Variants in DLX4 observed in about 807,000 individuals in gnomAD.
DLX4 encodes the protein distal-less homeobox 4.
In DLX4, 13 loss-of-function variants were observed where a neutral mutation model predicts 17.1. The ratio of observed to expected loss-of-function variants is 0.76; its 90% CI spans 0.49 to 1.21. DLX4 has a LOEUF of 1.21. Among genes scored for constraint, DLX4 ranks in the 50% most tolerant of loss-of-function variants. The pLI is 0.00. For synonymous variants in DLX4, 129 were observed against 140.3 expected, an observed-to-expected ratio of 0.92 and a Z score of 0.57; for missense variants, 297 against 301.4, an observed-to-expected ratio of 0.99 and a Z score of 0.11.
Position 49,969,536 on chromosome 17 carries a change from C to G in DLX4, c.68C>G (p.Pro23Arg), listed in dbSNP as rs1220519806. 2.5e-6 allele frequency: 4 copies of G among 1,613,218 alleles called. No individual in the cohort carries two copies. The highest frequency in any genetic ancestry group is 3.4e-6 in the Non-Finnish European group (4 of 1,179,982). The change falls in exon 1 of 3, where the codon CCT (proline) becomes CGT (arginine). Residue 23 changes from proline (P) to arginine (R), a missense_variant. Pro to Arg is a moderately radical substitution (Grantham distance 103). Transcript: ENST00000240306. ...ASKAVFPDLA[P>R]VPSVAAAYPL... ...AAAGCTGTCTTCCCAGACCTCGCCC[C>G]TGTCCCGTCGGTAGCGGCTGCCTAC...
chr17:49,973,399 T>TG (rs1905596918), intron 2 of DLX4, 130 bp downstream of exon 2: 9 of 1,355,524 alleles, frequency 6.6e-6, no homozygotes, highest in Non-Finnish European at 9.0e-6. Context: ...CCAGGGAATG[T>TG]TCATAGCTGG....
In DLX4 at chr17:49,974,132, C is replaced by G; in HGVS notation, c.*189C>G. ...CTAACCCTAACAGCTAAATCAAGGACCTCAGCCTTATATAATCATTGTCCC... is the reference window on the plus strand; with the variant it reads ...CTAACCCTAACAGCTAAATCAAGGAGCTCAGCCTTATATAATCATTGTCCC... On this transcript the variant is annotated 3_prime_UTR_variant, in exon 3 of 3. Coordinates refer to ENST00000240306, the MANE Select transcript of DLX4 (RefSeq NM_138281.3). The G allele has an allele frequency of 1.6e-6, 1 of 637,232 alleles. No homozygotes were observed. The highest frequency in any genetic ancestry group is 2.4e-6 in the Non-Finnish European group (1 of 415,394). The allele number at this position is 637,232 out of a possible 1,614,324, so 39.5% of individuals were successfully genotyped here.
At chr17:49,973,510 A>G (rs1317486070) in intron 2 of DLX4, 191 bp from the exon 3 acceptor site, 39 of 959,256 alleles carry the variant, frequency 4.1e-5, no homozygotes, top group Non-Finnish European at 5.6e-5. Context: ...ACAGGGAGAC[A>G]TGGATACTAG....
intron 2 of DLX4, 56 bp from the exon 3 acceptor site, chr17:49,973,645 C>G: frequency 6.7e-7 from 1 of 1,494,416 alleles, no homozygotes; most frequent in Non-Finnish European, 8.9e-7. Context: ...TTCCTCGAAA[C>G]TTTTCACACA....
In DLX4 at chr17:49,972,713, C is replaced by T. The variant is rs1905551497; in HGVS notation, c.284-360C>T. On this transcript the variant is annotated intron_variant, in intron 1 of 2. Coordinates refer to ENST00000240306, the MANE Select transcript of DLX4 (RefSeq NM_138281.3). The surrounding 1 kb of genome is among the most constrained non-coding windows in gnomAD (Gnocchi z 5.4). ...TCAGCCCTGGACCTAGCCTTTCTGCCCCGCCCTACCCCAAGCTGGCGCCAC... is the reference window on the plus strand; with the variant it reads ...TCAGCCCTGGACCTAGCCTTTCTGCTCCGCCCTACCCCAAGCTGGCGCCAC... 1 of 1,354,484 alleles carries T rather than the reference C, an allele frequency of 7.4e-7. No homozygotes were observed. Among genetic ancestry groups the T allele is most frequent in the Non-Finnish European group, 9.5e-7 (1 of 1,057,638 alleles). 83.9% of individuals were successfully genotyped at this position (1,354,484 alleles called of 1,614,324 possible).
In DLX4 at chr17:49,969,598, A is replaced by G. The variant is rs775701444; in HGVS notation, c.130A>G (p.Asn44Asp). 5 of 1,612,806 alleles carry G rather than the reference A, an allele frequency of 3.1e-6. No homozygotes were observed. Among genetic ancestry groups the G allele is most frequent in the Non-Finnish European group, 4.2e-6 (5 of 1,179,824 alleles). ...GLSPTTAASPNLSYSRPYGHL... is the reference protein window; with the variant it reads ...GLSPTTAASPDLSYSRPYGHL... Reference sequence around the variant, plus strand: ...GTCCCCTACAACCGCAGCCTCCCCCAATTTGTCCTACTCCAGGCCGTATGG... The same window carrying G: ...GTCCCCTACAACCGCAGCCTCCCCCGATTTGTCCTACTCCAGGCCGTATGG... Residue 44 changes from asparagine (N) to aspartate (D), a missense_variant, in exon 1 of 3, where the codon AAT (asparagine) becomes GAT (aspartate). By Grantham distance (23) the Asn-to-Asp change is conservative. Transcript: ENST00000240306.
At chr17:49,970,145 C>A (rs1395155877) in intron 1 of DLX4, among the ~76,000 whole-genome samples, 1 of 152,146 alleles carries the variant, frequency 6.6e-6, no homozygotes, top group Non-Finnish European at 1.5e-5. Flanking sequence ...CCTTCCTGCC[C>A]CATTGTCGCC....
chr17:49,973,149 G>A lies in DLX4; in HGVS notation c.360G>A (p.Pro120=). 1.2e-6 allele frequency: 2 copies of A among 1,614,174 alleles called. No individual in the cohort carries two copies. The highest frequency in any genetic ancestry group is 1.7e-6 in the Non-Finnish European group (2 of 1,180,030). The part of the protein sequence containing the change: ...PQAPAKKLRK[P]RTIYSSLQLQ... ...CCCCCGCCAAAAAGCTCCGCAAGCCGAGGACCATCTACTCCAGCCTGCAGC... is the reference window on the plus strand; with the variant it reads ...CCCCCGCCAAAAAGCTCCGCAAGCCAAGGACCATCTACTCCAGCCTGCAGC... The change falls in exon 2 of 3, where the codon CCG becomes CCA. Residue 120 remains proline, a synonymous_variant. Transcript: ENST00000240306.
intron 1 of DLX4, among the ~76,000 whole-genome samples, chr17:49,971,326 G>C (rs555481022): frequency 6.6e-6 from 1 of 152,162 alleles, no homozygotes; most frequent in Non-Finnish European, 1.5e-5. Flanking sequence ...GGGTTTGGGC[G>C]CTCTAGAGTG....
rs1199274618 is a variant in DLX4, at chr17:49,972,853, C to A, written c.284-220C>A. 7.0e-7 allele frequency: 1 copy of A among 1,435,556 alleles called. No homozygotes were observed. Among genetic ancestry groups the A allele is most frequent in the Non-Finnish European group, 9.2e-7 (1 of 1,092,386 alleles). The allele number at this position is 1,435,556 out of a possible 1,614,324, so 88.9% of individuals were successfully genotyped here. A position where few individuals can be genotyped will look rare whatever the true frequency, so the allele number is the denominator to read the frequency against. On this transcript the variant is annotated intron_variant, in intron 1 of 2. Transcript: ENST00000240306. The surrounding 1 kb of genome is among the most constrained non-coding windows in gnomAD (Gnocchi z 5.4). ...CATACGAGTGGGAGCTCCCTGGGAG[C>A]AGAACTGCGTCTTGTATCACCTGGC...
In DLX4 at chr17:49,969,473, C is replaced by A. The variant is rs1226750620; in HGVS notation, c.5C>A (p.Thr2Asn). The change falls in exon 1 of 3, where the codon ACC becomes AAC. Residue 2 changes from threonine to asparagine, a missense_variant. Coordinates refer to ENST00000240306, the MANE Select transcript of DLX4 (RefSeq NM_138281.3). ...TCTGCCCGGGCCCTGGCCACAATGA[C>A]CTCTTTGCCCTGCCCCCTCCCCGGC... M[T>N]SLPCPLPGRD... The A allele has an allele frequency of 1.9e-6, 3 of 1,573,224 alleles. No individual in the cohort carries two copies. In the South Asian group the frequency reaches 3.5e-5, roughly 18 times the overall value.
chr17:49,973,337 C>G, intron 2 of DLX4, 68 bp downstream of exon 2: 2 of 1,570,700 alleles, frequency 1.3e-6, no homozygotes, highest in Non-Finnish European at 1.7e-6. Flanking sequence ...TCCCCCAGCC[C>G]CAGCTGTGAA....
chr17:49,972,373 CT>C lies in DLX4; in HGVS notation c.284-699del, dbSNP rs1905537126. 1 of 152,264 alleles carries C rather than the reference CT, an allele frequency of 6.6e-6. No homozygotes were observed. The highest frequency in any genetic ancestry group is 2.1e-4 in the South Asian group (1 of 4,834). 9.4% of individuals were successfully genotyped at this position (152,264 alleles called of 1,614,324 possible). ...GCGCGCTGCCCAACGAAGGAAGGGG[CT>C]GCCCCACGCAGACCCGGCTTCTGGG... On this transcript the variant is annotated intron_variant, in intron 1 of 2. Transcript: ENST00000240306. The surrounding 1 kb of genome is among the most constrained non-coding windows in gnomAD (Gnocchi z 5.4).
At position 49,973,685 on chromosome 17, in the gene DLX4, C is replaced by G. The variant is rs923042189; in HGVS notation, c.481-16C>G. On this transcript the variant is annotated splice_polypyrimidine_tract_variant and intron_variant, in intron 2 of 2. Coordinates refer to ENST00000240306, the MANE Select transcript of DLX4 (RefSeq NM_138281.3). Reference sequence around the variant, plus strand: ...TTCCTCCTGATCTTTCATTCTTTCCCCTTTTCTTCCCGAAGGTAAAGATCT... The same window carrying G: ...TTCCTCCTGATCTTTCATTCTTTCCGCTTTTCTTCCCGAAGGTAAAGATCT... 1 of 1,493,476 alleles carries G rather than the reference C, an allele frequency of 6.7e-7. No homozygotes were observed. The highest frequency in any genetic ancestry group is 2.4e-5 in the East Asian group (1 of 41,720). 92.5% of individuals were successfully genotyped at this position (1,493,476 alleles called of 1,614,324 possible).
At chr17:49,968,594 G>A (rs548189717), upstream of DLX4, among the ~76,000 whole-genome samples, 1 of 152,222 alleles carries the variant, frequency 6.6e-6, no homozygotes, top group Non-Finnish European at 1.5e-5. Context: ...CAGCACGCAG[G>A]GCGGTGGGGT....
At chr17:49,968,687 G>A (rs1181836339), upstream of DLX4, among the ~76,000 whole-genome samples, 2 of 151,970 alleles carry the variant, frequency 1.3e-5, no homozygotes, top group Non-Finnish European at 2.9e-5. Context: ...CAGGCTGGGC[G>A]CCGGGCGGCA....
rs757238620 is a variant in DLX4 at position 49,969,668 on chromosome 17, A to T, written c.200A>T (p.Asp67Val). 1.2e-6 allele frequency: 2 copies of T among 1,607,058 alleles called. No homozygotes were observed. The highest frequency in any genetic ancestry group is 2.2e-5 in the East Asian group (1 of 44,734). Reference protein sequence around the residue: ...YPYTEPANPGDSYLSCQQPAA... With the variant: ...YPYTEPANPGVSYLSCQQPAA... ...TACACCGAGCCAGCGAACCCCGGAG[A>T]CTCCTACCTGTCCTGCCAGCAACCC... The change falls in exon 1 of 3, where the codon GAC (aspartate) becomes GTC (valine). Residue 67 changes from aspartate to valine, a missense_variant. Transcript: ENST00000240306.
At chr17:49,973,315 TCTGGGAA>T in intron 2 of DLX4, 46 bp downstream of exon 2, 1 of 1,597,998 alleles carries the variant, frequency 6.3e-7, no homozygotes, top group South Asian at 1.1e-5. Flanking sequence ...TCCCTGGTTC[TCTGGGAA>T]CTCATCCCCC....
In DLX4 at chr17:49,972,725, C is replaced by A; in HGVS notation, c.284-348C>A. 1 of 1,373,150 alleles carries A rather than the reference C, an allele frequency of 7.3e-7. No individual in the cohort carries two copies. Among genetic ancestry groups the A allele is most frequent in the Non-Finnish European group, 9.4e-7 (1 of 1,068,692 alleles). The allele number at this position is 1,373,150 out of a possible 1,614,324, so 85.1% of individuals were successfully genotyped here. On this transcript the variant is annotated intron_variant, in intron 1 of 2. Transcript: ENST00000240306. This position sits in a 1 kb window ranked among gnomAD's most constrained non-coding sequence, Gnocchi z 5.4. The stretch of plus-strand genomic sequence containing the variant: ...CTAGCCTTTCTGCCCCGCCCTACCC[C>A]AAGCTGGCGCCACCGCCCGTGGCTG...
Sources: gnomAD v4.1 joint callset for allele counts (sites outside exome capture counted in the v4.1 genomes callset) on GRCh38, gnomAD v4.1.1 for gene constraint, Gnocchi (gnomAD v3.1) non-coding constraint, MANE v1.5 for transcripts, NCBI Gene and HGNC (gene_info 2026-07-23, HGNC 2026-07-21) for gene names.